The following ADCYAP1R1 variants were observed in gnomAD, a reference collection of about 807,000 sequenced individuals.
ADCYAP1R1 encodes pituitary adenylate cyclase-activating polypeptide type I receptor.
ADCYAP1R1 carries 44 observed loss-of-function variants against 67.6 expected under a neutral mutation model. The observed-to-expected ratio is 0.65, with a 90% CI of 0.51 to 0.84. The LOEUF (loss-of-function observed/expected upper bound fraction) is 0.84. Ranked by LOEUF, ADCYAP1R1 falls within the 40% of genes least tolerant of loss-of-function variation. ADCYAP1R1 has a pLI of 0.00. For synonymous variants in ADCYAP1R1, 222 were observed against 219.6 expected (o/e 1.01, Z -0.10); for missense variants, 477 against 587.9 (o/e 0.81, Z 1.95).
intron 1 of ADCYAP1R1, among the ~76,000 whole-genome samples, chr7:31,055,868 G>T (rs925907850): frequency 2.0e-5 from 3 of 152,196 alleles, no homozygotes; most frequent in Admixed American, 6.5e-5. Flanking sequence ...CTAGGAGAGG[G>T]TCCCTGCCTG....
At chr7:31,097,067 A>G (rs1796225156) in intron 13 of ADCYAP1R1, among the ~76,000 whole-genome samples, 1 of 152,220 alleles carries the variant, frequency 6.6e-6, no homozygotes, top group African/African-American at 2.4e-5. Flanking sequence ...GACAGATGTG[A>G]GTGCTAAGAC....
In ADCYAP1R1 at chr7:31,106,811, G is replaced by C. The variant is rs568940535; in HGVS notation, c.*127G>C. 4.4e-6 allele frequency: 5 copies of C among 1,148,838 alleles called. No homozygotes were observed. The highest frequency in any genetic ancestry group is 1.7e-5 in the South Asian group (1 of 60,238). The allele number at this position is 1,148,838 out of a possible 1,614,324, so 71.2% of individuals were successfully genotyped here. ...CCTGGGCTGGAAGCTTGGCTCCTGA[G>C]GGGGGAGAAGGAGGCAGGGCACAGA... On this transcript the variant is annotated 3_prime_UTR_variant, in exon 16 of 16. Transcript: ENST00000304166.
intron 12 of ADCYAP1R1, among the ~76,000 whole-genome samples, chr7:31,091,439 T>C (rs1414512523): frequency 6.6e-6 from 1 of 152,196 alleles, no homozygotes. Flanking sequence ...TGTCAATTTT[T>C]GATTTTGTTG....
chr7:31,083,501 T>C (rs1584513384), intron 6 of ADCYAP1R1, among the ~76,000 whole-genome samples: 1 of 152,234 alleles, frequency 6.6e-6, no homozygotes, highest in East Asian at 1.9e-4. Context: ...TCCCAAACTC[T>C]GAAAGACAAC....
intron 7 of ADCYAP1R1, 101 bp from the exon 8 acceptor site, chr7:31,084,636 G>A: frequency 2.1e-6 from 2 of 933,098 alleles, no homozygotes; most frequent in South Asian, 1.3e-5. Flanking sequence ...TAGGCCTGGA[G>A]GTGGGCAGGC....
In ADCYAP1R1 at chr7:31,104,893, G is replaced by A; in HGVS notation, c.1202G>A (p.Cys401Tyr). 1 of 1,614,208 alleles carries A rather than the reference G, an allele frequency of 6.2e-7. No homozygotes were observed. The highest frequency in any genetic ancestry group is 8.5e-7 in the Non-Finnish European group (1 of 1,180,028). ...FQGFVVAVLYCFLNGEVQAEI... is the reference protein window; with the variant it reads ...FQGFVVAVLYYFLNGEVQAEI... ...GGCTTTGTGGTGGCTGTTCTCTACT[G>A]TTTTCTGAATGGTGAGGTAAGACCT... Residue 401 changes from cysteine (C) to tyrosine (Y), a missense_variant, in exon 15 of 16, where the codon TGT (cysteine) becomes TAT (tyrosine). Transcript: ENST00000304166.
At chr7:31,082,806 G>A (rs1368815575) in intron 6 of ADCYAP1R1, among the ~76,000 whole-genome samples, 2 of 152,258 alleles carry the variant, frequency 1.3e-5, no homozygotes, top group African/African-American at 4.8e-5. Context: ...GAGAAGGACT[G>A]TTGGAGTCTC....
Position 31,106,821 on chromosome 7 carries a change from G to T in ADCYAP1R1, c.*137G>T, listed in dbSNP as rs548502376. 11 of 1,076,072 alleles carry T rather than the reference G, an allele frequency of 1.0e-5. No homozygotes were observed. Among genetic ancestry groups the T allele is most frequent in the South Asian group, 1.0e-4 (6 of 58,858 alleles). 66.7% of individuals were successfully genotyped at this position (1,076,072 alleles called of 1,614,324 possible). On this transcript the variant is annotated 3_prime_UTR_variant, in exon 16 of 16. Transcript: ENST00000304166. ...AAGCTTGGCTCCTGAGGGGGGAGAA[G>T]GAGGCAGGGCACAGACTGGAATTGT... is the stretch of plus-strand genomic sequence containing the variant.
At chr7:31,094,886 A>C (rs966521229) in intron 13 of ADCYAP1R1, among the ~76,000 whole-genome samples, 4 of 151,978 alleles carry the variant, frequency 2.6e-5, no homozygotes, top group African/African-American at 9.7e-5. Context: ...TCCCTTTGCA[A>C]TCTCAGCAAA....
intron 1 of ADCYAP1R1, among the ~76,000 whole-genome samples, chr7:31,059,303 A>T (rs1169311476): frequency 6.6e-6 from 1 of 152,202 alleles, no homozygotes; most frequent in African/African-American, 2.4e-5. Context: ...TTCAGATGAT[A>T]AAAAGAAGGC....
rs753516558 is a variant in ADCYAP1R1, at chr7:31,092,627, T to C, written c.955-17T>C. 6.2e-7 allele frequency: 1 copy of C among 1,600,314 alleles called. No homozygotes were observed. The highest frequency in any genetic ancestry group is 1.3e-5 in the African/African-American group (1 of 74,432). ...CCAGAATCATGTCCATCTGCTTTTT[T>C]TTTTTTTGCTCCTTAGGTTAACTTT... On this transcript the variant is annotated splice_polypyrimidine_tract_variant and intron_variant, in intron 12 of 15. Coordinates refer to ENST00000304166, the MANE Select transcript of ADCYAP1R1 (RefSeq NM_001118.5).
chr7:31,107,195 T>G lies in ADCYAP1R1; in HGVS notation c.*511T>G, dbSNP rs1183402378. On this transcript the variant is annotated 3_prime_UTR_variant, in exon 16 of 16. Transcript: ENST00000304166. ...CTTCTCAGTCCTGGGCCCAAGTCCC[T>G]GAAGCCTAGCAGAGGGCCAGCTCGG... 1 of 152,744 alleles carries G rather than the reference T, an allele frequency of 6.5e-6. No homozygotes were observed. The highest frequency in any genetic ancestry group is 1.5e-5 in the Non-Finnish European group (1 of 68,434). The allele number at this position is 152,744 out of a possible 1,614,324, so 9.5% of individuals were successfully genotyped here.
chr7:31,062,316 C>G (rs6969839), intron 1 of ADCYAP1R1, among the ~76,000 whole-genome samples: 2 of 152,218 alleles, frequency 1.3e-5, no homozygotes, highest in African/African-American at 4.8e-5. Flanking sequence ...GCAGGCCTGC[C>G]CCCTTGGAGC....
chr7:31,065,004 A>G (rs964099934), intron 3 of ADCYAP1R1, 68 bp downstream of exon 3: 9 of 1,250,902 alleles, frequency 7.2e-6, no homozygotes, highest in Non-Finnish European at 1.0e-5. Context: ...TCCTGTGCTC[A>G]GGCTCGGCCA....
Position 31,107,129 on chromosome 7 carries a change from T to A in ADCYAP1R1, c.*445T>A, listed in dbSNP as rs535614725. The A allele has an allele frequency of 6.3e-6, 1 of 159,940 alleles. No individual in the cohort carries two copies. The highest frequency in any genetic ancestry group is 6.4e-5 in the Admixed American group (1 of 15,606). The allele number at this position is 159,940 out of a possible 1,614,324, so 9.9% of individuals were successfully genotyped here. On this transcript the variant is annotated 3_prime_UTR_variant, in exon 16 of 16. Coordinates refer to ENST00000304166, the MANE Select transcript of ADCYAP1R1 (RefSeq NM_001118.5). The stretch of plus-strand genomic sequence containing the variant: ...CCCCAACAGCCCCCCATCATCTGAT[T>A]TTGGGTGTGACCCCTCGAGTGTGCA...
At chr7:31,088,088 T>C (rs1397932812) in intron 12 of ADCYAP1R1, among the ~76,000 whole-genome samples, 1 of 152,246 alleles carries the variant, frequency 6.6e-6, no homozygotes, top group Admixed American at 6.5e-5. Context: ...CCCCATTTCA[T>C]TGTCTACGCT....
chr7:31,071,177 C>T (rs1164790413), intron 3 of ADCYAP1R1, among the ~76,000 whole-genome samples: 2 of 152,200 alleles, frequency 1.3e-5, no homozygotes, highest in African/African-American at 4.8e-5. Flanking sequence ...TGGACAAAAT[C>T]ATCACCATGA....
At chr7:31,094,043 G>T (rs1212357478) in intron 13 of ADCYAP1R1, among the ~76,000 whole-genome samples, 1 of 152,148 alleles carries the variant, frequency 6.6e-6, no homozygotes, top group South Asian at 2.1e-4. Context: ...TTCCTCAGGG[G>T]TGGGGGACTA....
rs1309736418 is a variant in ADCYAP1R1 at position 31,103,143 on chromosome 7, G to T, written c.1047-94G>T. ...GGACACGGGCCCCAGCTTGGAGGGAGAATAAGGGACTGGGGCTGAGTTCTC... is the reference window on the plus strand; with the variant it reads ...GGACACGGGCCCCAGCTTGGAGGGATAATAAGGGACTGGGGCTGAGTTCTC... On this transcript the variant is annotated intron_variant, in intron 13 of 15. Coordinates refer to ENST00000304166, the MANE Select transcript of ADCYAP1R1 (RefSeq NM_001118.5). The T allele has an allele frequency of 3.2e-5, 48 of 1,522,930 alleles. No individual in the cohort carries two copies. In the East Asian group the frequency reaches 1.1e-3, roughly 34 times the overall value. 94.3% of individuals were successfully genotyped at this position (1,522,930 alleles called of 1,614,324 possible). A position where few individuals can be genotyped will look rare whatever the true frequency, so the allele number is the denominator to read the frequency against.
Sources: gnomAD v4.1 joint callset for allele counts (sites outside exome capture counted in the v4.1 genomes callset) on GRCh38, gnomAD v4.1.1 for gene constraint, MANE v1.5 for transcripts, NCBI Gene and HGNC (gene_info 2026-07-23, HGNC 2026-07-21) for gene names.